The following CPZ variants were observed in gnomAD, a reference collection of about 807,000 sequenced individuals.
The protein encoded by CPZ is carboxypeptidase Z.
Under a neutral mutation model 61.8 loss-of-function variants are expected in CPZ, and 103 were observed. The ratio of observed to expected loss-of-function variants is 1.67; its 90% CI spans 1.42 to 1.96. The LOEUF (loss-of-function observed/expected upper bound fraction) is 1.96. CPZ is among the 30% of genes most tolerant of loss of function. The pLI is 0.00. For synonymous variants in CPZ, 551 were observed against 373.7 expected, an observed-to-expected ratio of 1.47 and a Z score of -5.47; for missense variants, 1,461 against 914.9, an observed-to-expected ratio of 1.60 and a Z score of -7.70.
At position 8,607,269 on chromosome 4, in the gene CPZ, G is replaced by A. The variant is rs757867469; in HGVS notation, c.1071G>A (p.Val357=). 7 of 1,613,870 alleles carry A rather than the reference G, an allele frequency of 4.3e-6. No homozygotes were observed. In the South Asian group the frequency reaches 5.5e-5, roughly 13 times the overall value. ...PIPQHYWWGK[V]APETKAIMKW... is the part of the protein sequence containing the mutation. ...GCGGCCTCGTCTGTCCTGGGCAGGT[G>A]GCCCCGGAGACAAAGGCAATCATGA... Residue 357 remains valine, a splice_region_variant and synonymous_variant, in exon 7 of 11, where the codon GTG becomes GTA. Transcript: ENST00000360986.
chr4:8,609,193 C>CACTCCCTCATTCACTT lies in CPZ; in HGVS notation c.1227+1777_1227+1778insTTCACTTACTCCCTCA, dbSNP rs1380994014. Among the ~76,000 whole-genome samples, 149 of 129,112 alleles carry CACTCCCTCATTCACTT rather than the reference C, an allele frequency of 1.2e-3. 1 individual carries two copies. Among genetic ancestry groups the CACTCCCTCATTCACTT allele is most frequent in the Admixed American group, 8.9e-3 (112 of 12,546 alleles). 84.7% of individuals were successfully genotyped at this position (129,112 alleles called of 152,430 possible). On this transcript the variant is annotated intron_variant, in intron 7 of 10. Transcript: ENST00000360986. Reference sequence around the variant, plus strand: ...TCACCCATTCACTCAGGCATTCACTCACTCCCTCACTCACTTACTCATTCA... The same window carrying CACTCCCTCATTCACTT: ...TCACCCATTCACTCAGGCATTCACTCACTCCCTCATTCACTTACTCCCTCACTCACTTACTCATTCA...
In CPZ at chr4:8,605,997, G is replaced by C. The variant is rs751651131; in HGVS notation, c.718G>C (p.Glu240Gln). ...RPGQHELMEP[E>Q]VKLIGNIHGN... ...TCTGTATTTGCCCCCAGTGGAGCCC[G>C]AGGTGAAGCTCATCGGCAACATTCA... is the stretch of plus-strand genomic sequence containing the variant. The change falls in exon 5 of 11, where the codon GAG becomes CAG. Residue 240 changes from glutamate (E) to glutamine (Q), a missense_variant. Physicochemically the swap from Glu to Gln is conservative, Grantham distance 29 (BLOSUM62 2). Coordinates refer to ENST00000360986, the MANE Select transcript of CPZ (RefSeq NM_001014447.3). 8.1e-6 allele frequency: 13 copies of C among 1,612,514 alleles called. No individual in the cohort carries two copies. The Middle Eastern group carries it at 5.0e-4, about 61-fold the overall frequency.
chr4:8,610,396 G>T (rs1419322391), intron 7 of CPZ, among the ~76,000 whole-genome samples: 1 of 152,206 alleles, frequency 6.6e-6, no homozygotes, highest in Non-Finnish European at 1.5e-5. Flanking sequence ...CTTAGCCCTA[G>T]AGACTGACCA....
At chr4:8,599,323 C>T (rs1437834775) in intron 1 of CPZ, 130 bp from the exon 2 acceptor site, 13 of 1,078,856 alleles carry the variant, frequency 1.2e-5, no homozygotes, top group South Asian at 1.9e-5. Context: ...TGTGAAGACT[C>T]CATGAGATGG....
intron 7 of CPZ, among the ~76,000 whole-genome samples, chr4:8,608,696 C>G (rs1375597659): frequency 1.3e-5 from 2 of 150,928 alleles, no homozygotes; most frequent in South Asian, 2.1e-4. Context: ...GGGGAACCCC[C>G]AGCCTGGTCT....
At chr4:8,614,139 C>A (rs530526785) in intron 8 of CPZ, among the ~76,000 whole-genome samples, 1 of 152,374 alleles carries the variant, frequency 6.6e-6, no homozygotes, top group South Asian at 2.1e-4. Flanking sequence ...GTCCACCTTG[C>A]AGTTGTTCAG....
chr4:8,610,798 A>C (rs1277223114), intron 7 of CPZ, among the ~76,000 whole-genome samples: 1 of 152,048 alleles, frequency 6.6e-6, no homozygotes, highest in Non-Finnish European at 1.5e-5. Context: ...ACAGGGCCTG[A>C]GTGGGGTTGT....
At chr4:8,619,145 T>C (rs1716463342) in intron 10 of CPZ, 117 bp from the exon 11 acceptor site, 5 of 820,664 alleles carry the variant, frequency 6.1e-6, no homozygotes, top group South Asian at 3.6e-5. Flanking sequence ...CAGAGGCAAG[T>C]GCACATTTGG....
intron 3 of CPZ, among the ~76,000 whole-genome samples, chr4:8,601,699 G>A (rs1577111021): frequency 6.6e-6 from 1 of 152,172 alleles, no homozygotes; most frequent in Admixed American, 6.5e-5. Context: ...GCAGATGGAG[G>A]ATCCTCTCGC....
At chr4:8,592,981 A>G in intron 1 of CPZ, 60 bp downstream of exon 1, 2 of 1,328,656 alleles carry the variant, frequency 1.5e-6, no homozygotes, top group African/African-American at 1.5e-5. Context: ...GGGGAGTGTG[A>G]TCCGTCGCTT....
In CPZ at chr4:8,604,192, A is replaced by C; in HGVS notation, c.709+4A>C. On this transcript the variant is annotated splice_donor_region_variant and intron_variant, in intron 4 of 10. Transcript: ENST00000360986. Reference sequence around the variant, plus strand: ...CGCCCCGGCCAGCACGAGCTGAGTGAGTGCCCTTGGGAGAGCCTGGCCTGG... The same window carrying C: ...CGCCCCGGCCAGCACGAGCTGAGTGCGTGCCCTTGGGAGAGCCTGGCCTGG... The C allele has an allele frequency of 3.9e-6, 6 of 1,542,550 alleles. No individual in the cohort carries two copies. The highest frequency in any genetic ancestry group is 5.3e-6 in the Non-Finnish European group (6 of 1,140,450).
At chr4:8,605,688 A>G (rs867773017) in intron 4 of CPZ, among the ~76,000 whole-genome samples, 7 of 141,226 alleles carry the variant, frequency 5.0e-5, no homozygotes, top group Middle Eastern at 3.5e-3. Context: ...ACCAATGTGC[A>G]CTTTGACTTA....
At chr4:8,614,906 A>C (rs1716033673) in intron 9 of CPZ, among the ~76,000 whole-genome samples, 1 of 151,650 alleles carries the variant, frequency 6.6e-6, no homozygotes, top group Non-Finnish European at 1.5e-5. Flanking sequence ...GGACAGGGAG[A>C]GCTCCCAGCA....
intron 7 of CPZ, 23 bp downstream of exon 7, chr4:8,607,448 G>T (rs374128798): frequency 1.7e-4 from 273 of 1,611,538 alleles, no homozygotes; most frequent in Non-Finnish European, 2.2e-4. Flanking sequence ...TCGGGTGTGT[G>T]CAGGGGAGGG....
In CPZ at chr4:8,619,671, C is replaced by G; in HGVS notation, c.*54C>G. 7.5e-7 allele frequency: 1 copy of G among 1,326,392 alleles called. No homozygotes were observed. The highest frequency in any genetic ancestry group is 1.0e-6 in the Non-Finnish European group (1 of 1,001,354). The allele number at this position is 1,326,392 out of a possible 1,614,324, so 82.2% of individuals were successfully genotyped here. On this transcript the variant is annotated 3_prime_UTR_variant, in exon 11 of 11. Coordinates refer to ENST00000360986, the MANE Select transcript of CPZ (RefSeq NM_001014447.3). ...GAGACCGAGGCCCATCTCCGCATCC[C>G]GGGCTCCTGGCTCTTGATTTTGTCT...
At chr4:8,618,593 C>A (rs911062969) in intron 10 of CPZ, 65 bp downstream of exon 10, 4 of 1,393,350 alleles carry the variant, frequency 2.9e-6, no homozygotes, top group South Asian at 2.4e-5. Context: ...ACCGTGGCAG[C>A]CGGCACCCTC....
At position 8,601,430 on chromosome 4, in the gene CPZ, C is replaced by T. The variant is rs1199295869; in HGVS notation, c.429C>T (p.Phe143=). The change falls in exon 3 of 11, where the codon TTC becomes TTT. Residue 143 remains phenylalanine, a synonymous_variant. Transcript: ENST00000360986. Reference sequence around the variant, plus strand: ...CCATTGACATGGCCTGGCCCTACTTCCTTGACTGCCACCGCTACTTCACGA... The same window carrying T: ...CCATTGACATGGCCTGGCCCTACTTTCTTGACTGCCACCGCTACTTCACGA... ...FDAIDMAWPY[F]LDCHRYFTRE... 1.9e-6 allele frequency: 3 copies of T among 1,561,780 alleles called. No homozygotes were observed. Among genetic ancestry groups the T allele is most frequent in the Admixed American group, 3.5e-5 (2 of 56,364 alleles).
chr4:8,619,527 G>C lies in CPZ; in HGVS notation c.1869G>C (p.Arg623Ser), dbSNP rs1023334438. 3.2e-6 allele frequency: 5 copies of C among 1,585,958 alleles called. No homozygotes were observed. Among genetic ancestry groups the C allele is most frequent in the Non-Finnish European group, 3.4e-6 (4 of 1,164,972 alleles). The change falls in exon 11 of 11, where the codon AGG becomes AGC. Residue 623 changes from arginine to serine, a missense_variant. Coordinates refer to ENST00000360986, the MANE Select transcript of CPZ (RefSeq NM_001014447.3). ...ATEPDPLRAR[R>S]QPSADGSKPW... ...AGCCCGACCCGCTCCGGGCGCGCAGGCAGCCCTCGGCCGACGGGAGTAAGC... is the reference window on the plus strand; with the variant it reads ...AGCCCGACCCGCTCCGGGCGCGCAGCCAGCCCTCGGCCGACGGGAGTAAGC...
intron 7 of CPZ, chr4:8,611,291 G>C (rs114612013): frequency 1.1e-5 from 5 of 456,218 alleles, no homozygotes; most frequent in Non-Finnish European, 1.8e-5. Flanking sequence ...ACTTACAGAC[G>C]GCCCAGAGCC....
Sources: gnomAD v4.1 joint callset for allele counts (sites outside exome capture counted in the v4.1 genomes callset) on GRCh38, gnomAD v4.1.1 for gene constraint, MANE v1.5 for transcripts, NCBI Gene and HGNC (gene_info 2026-07-23, HGNC 2026-07-21) for gene names.